Variants in COA5 observed in about 807,000 individuals in gnomAD.
The protein encoded by COA5 is cytochrome c oxidase assembly factor 5.
In COA5, 11 loss-of-function variants were observed where a neutral mutation model predicts 11.8. The observed-to-expected ratio is 0.93, with a 90% CI of 0.59 to 1.54. COA5 has a LOEUF of 1.54. Ranked by LOEUF, COA5 falls within the 40% of genes most tolerant of loss-of-function variation. The pLI is 0.00. For missense variants in COA5, 87 were observed against 89.2 expected (o/e 0.97, Z 0.10); for synonymous variants, 38 against 37.5 (o/e 1.01, Z -0.05).
intron 1 of COA5, among the ~76,000 whole-genome samples, chr2:98,606,241 T>G (rs544326221): frequency 9.8e-5 from 15 of 152,320 alleles, no homozygotes; most frequent in African/African-American, 3.6e-4. Context: ...AGAGCTTTCC[T>G]TGGTCTTTCA....
At chr2:98,602,381 GGT>G (rs1378114591) in intron 2 of COA5, 1 of 152,142 alleles carries the variant, frequency 6.6e-6, no homozygotes, top group African/African-American at 2.4e-5. Context: ...AAGCTGGTCG[GGT>G]GTTAATGGCT....
intron 1 of COA5, among the ~76,000 whole-genome samples, chr2:98,606,795 C>A (rs780982702): frequency 6.6e-6 from 1 of 152,228 alleles, no homozygotes; most frequent in Admixed American, 6.5e-5. Context: ...AGTCTCCTCA[C>A]TCTGACACAC....
Position 98,600,437 on chromosome 2 carries a change from A to C in COA5, c.*315T>G. ...TGGCCTGTACTAATTGGGTAATTCA[A>C]TTGAAGAGTCAAGTTTGCAAATAAC... On this transcript the variant is annotated 3_prime_UTR_variant, in exon 3 of 3. Coordinates refer to ENST00000328709, the MANE Select transcript of COA5 (RefSeq NM_001008215.3). 2.5e-6 allele frequency: 1 copy of C among 401,408 alleles called. No homozygotes were observed. The highest frequency in any genetic ancestry group is 2.4e-5 in the South Asian group (1 of 40,872). The allele number at this position is 401,408 out of a possible 1,614,324, so 24.9% of individuals were successfully genotyped here. A position where few individuals can be genotyped will look rare whatever the true frequency, so the allele number is the denominator to read the frequency against.
intron 1 of COA5, among the ~76,000 whole-genome samples, chr2:98,605,202 C>T (rs993148071): frequency 6.6e-6 from 1 of 152,184 alleles, no homozygotes. Flanking sequence ...TCCTTTTTAT[C>T]CAGCATATGG....
intron 1 of COA5, among the ~76,000 whole-genome samples, chr2:98,607,392 TATA>T (rs1047986720): frequency 2.6e-5 from 4 of 152,222 alleles, no homozygotes; most frequent in East Asian, 1.9e-4. Flanking sequence ...CTCTTAAATT[TATA>T]ATAACTCAAG....
chr2:98,606,556 A>G (rs181733663), intron 1 of COA5, among the ~76,000 whole-genome samples: 7 of 152,338 alleles, frequency 4.6e-5, no homozygotes, highest in African/African-American at 1.4e-4. Context: ...TCCGCTTTCT[A>G]TACTGGAGAG....
intron 1 of COA5, among the ~76,000 whole-genome samples, chr2:98,606,794 ACT>A (rs1700711892): frequency 6.6e-6 from 1 of 151,920 alleles, no homozygotes; most frequent in Non-Finnish European, 1.5e-5. Flanking sequence ...CAGTCTCCTC[ACT>A]CTGACACACA....
At position 98,600,721 on chromosome 2, in the gene COA5, T is replaced by C. The variant is rs760014222; in HGVS notation, c.*31A>G. The C allele has an allele frequency of 6.3e-7, 1 of 1,597,098 alleles. No homozygotes were observed. The highest frequency in any genetic ancestry group is 8.6e-7 in the Non-Finnish European group (1 of 1,166,636). The stretch of plus-strand genomic sequence containing the variant: ...TGTTAATGACCAGGGAAAATATTTG[T>C]TGTTTTCCATGTTGGCTTCAACATA... On this transcript the variant is annotated 3_prime_UTR_variant, in exon 3 of 3. Coordinates refer to ENST00000328709, the MANE Select transcript of COA5 (RefSeq NM_001008215.3).
chr2:98,601,320 C>G (rs1386765363), intron 2 of COA5, among the ~76,000 whole-genome samples: 1 of 152,162 alleles, frequency 6.6e-6, no homozygotes, highest in Non-Finnish European at 1.5e-5. Flanking sequence ...TTACATTTAA[C>G]TGTTTATTTG....
At chr2:98,606,330 T>TATTG (rs1377210759) in intron 1 of COA5, among the ~76,000 whole-genome samples, 2 of 152,196 alleles carry the variant, frequency 1.3e-5, no homozygotes, top group African/African-American at 2.4e-5. Context: ...ACCTCCTCAC[T>TATTG]ATTGCCCTTT....
In COA5 at chr2:98,606,321, C is replaced by A. The variant is rs567408380; in HGVS notation, c.99+1986G>T. 3.3e-5 allele frequency among the ~76,000 whole-genome samples: 5 copies of A among 152,274 alleles called. No individual in the cohort carries two copies. The South Asian group carries it at 8.3e-4, about 25-fold the overall frequency. On this transcript the variant is annotated intron_variant, in intron 1 of 2. Transcript: ENST00000328709. Reference sequence around the variant, plus strand: ...TAGGAGATTGTTCTGGACCTGCAAACCTCCTCACTATTGCCCTTTTACAAT... The same window carrying A: ...TAGGAGATTGTTCTGGACCTGCAAAACTCCTCACTATTGCCCTTTTACAAT...
At chr2:98,607,235 C>G (rs1700719368) in intron 1 of COA5, among the ~76,000 whole-genome samples, 1 of 152,196 alleles carries the variant, frequency 6.6e-6, no homozygotes, top group Non-Finnish European at 1.5e-5. Flanking sequence ...GGTACCATGC[C>G]TGCCACTTAA....
chr2:98,599,785 T>A lies in COA5; in HGVS notation c.*967A>T, dbSNP rs1027364566. ...TCTTCAACCACTTCATGGTTTTCAT[T>A]CTTGCTTTCTATAGTGAACATCTGT... On this transcript the variant is annotated 3_prime_UTR_variant, in exon 3 of 3. Coordinates refer to ENST00000328709, the MANE Select transcript of COA5 (RefSeq NM_001008215.3). 3 of 152,268 alleles carry A rather than the reference T, an allele frequency of 2.0e-5. No individual in the cohort carries two copies. The highest frequency in any genetic ancestry group is 6.5e-5 in the Admixed American group (1 of 15,290). The allele number at this position is 152,268 out of a possible 1,614,324, so 9.4% of individuals were successfully genotyped here.
intron 1 of COA5, 121 bp downstream of exon 1, chr2:98,608,186 C>G: frequency 1.4e-6 from 1 of 730,138 alleles, no homozygotes; most frequent in East Asian, 2.7e-5. Context: ...TGAGCCCGAG[C>G]TGTGACCTAC....
At chr2:98,607,728 C>T (rs948050439) in intron 1 of COA5, among the ~76,000 whole-genome samples, 7 of 152,320 alleles carry the variant, frequency 4.6e-5, no homozygotes, top group African/African-American at 1.7e-4. Context: ...AGACCTGTGT[C>T]TGTAGCCGGG....
In COA5 at chr2:98,600,586, A is replaced by G; in HGVS notation, c.*166T>C. ...TTGGATCAAGAGAATCATTTACTTT[A>G]TACATATTCGAAAACAACTCATCCA... On this transcript the variant is annotated 3_prime_UTR_variant, in exon 3 of 3. Coordinates refer to ENST00000328709, the MANE Select transcript of COA5 (RefSeq NM_001008215.3). 1.5e-6 allele frequency: 1 copy of G among 658,698 alleles called. No homozygotes were observed. The highest frequency in any genetic ancestry group is 2.7e-5 in the East Asian group (1 of 36,396). The allele number at this position is 658,698 out of a possible 1,614,324, so 40.8% of individuals were successfully genotyped here.
In COA5 at chr2:98,600,746, A is replaced by C; in HGVS notation, c.*6T>G. The C allele has an allele frequency of 6.2e-7, 1 of 1,609,312 alleles. No homozygotes were observed. ...TTGTTTTCCATGTTGGCTTCAACAT[A>C]ATGCATCAATATCCTTTTCTTCCTC... On this transcript the variant is annotated 3_prime_UTR_variant, in exon 3 of 3. Coordinates refer to ENST00000328709, the MANE Select transcript of COA5 (RefSeq NM_001008215.3).
intron 1 of COA5, among the ~76,000 whole-genome samples, chr2:98,605,346 C>G (rs1700693639): frequency 6.6e-6 from 1 of 152,204 alleles, no homozygotes; most frequent in East Asian, 1.9e-4. Flanking sequence ...TTCCTCACTT[C>G]ACTCCATAAG....
rs1575223464 is a variant in COA5 at position 98,600,653 on chromosome 2, A to C, written c.*99T>G. The C allele has an allele frequency of 1.1e-5, 11 of 1,044,266 alleles. No homozygotes were observed. The highest frequency in any genetic ancestry group is 2.1e-4 in the Middle Eastern group (1 of 4,848). The allele number at this position is 1,044,266 out of a possible 1,614,324, so 64.7% of individuals were successfully genotyped here. ...ACGGAGGGGAAATCTGGTCCAACCA[A>C]ACAGATGTAGTAAAAAGTATGTTTC... is the stretch of plus-strand genomic sequence containing the variant. On this transcript the variant is annotated 3_prime_UTR_variant, in exon 3 of 3. Transcript: ENST00000328709.
Sources: gnomAD v4.1 joint callset for allele counts (sites outside exome capture counted in the v4.1 genomes callset) on GRCh38, gnomAD v4.1.1 for gene constraint, MANE v1.5 for transcripts, NCBI Gene and HGNC (gene_info 2026-07-23, HGNC 2026-07-21) for gene names.